PELP1: variants seen among roughly 807,000 people sequenced by gnomAD.
PELP1 encodes proline, glutamate and leucine rich protein 1.
A neutral mutation model predicts 95.5 loss-of-function variants in PELP1; 32 were observed. The observed-to-expected ratio is 0.34, with a 90% CI of 0.25 to 0.45. The LOEUF (loss-of-function observed/expected upper bound fraction) is 0.45. PELP1 is among the 20% of genes least tolerant of loss of function. PELP1 has a pLI of 1.00. For missense variants in PELP1, 1,358 were observed against 1,444.8 expected, an observed-to-expected ratio of 0.94 and a Z score of 0.97; for synonymous variants, 668 against 600.1, an observed-to-expected ratio of 1.11 and a Z score of -1.65.
chr17:4,689,552 C>G (rs1043296411), intron 3 of PELP1, among the ~76,000 whole-genome samples: 2 of 152,154 alleles, frequency 1.3e-5, no homozygotes, highest in African/African-American at 4.8e-5. Context: ...ATACAAATGG[C>G]CAACAAACAT....
chr17:4,695,817 A>C (rs1033792184), intron 1 of PELP1, among the ~76,000 whole-genome samples: 8 of 151,308 alleles, frequency 5.3e-5, no homozygotes, highest in African/African-American at 1.5e-4. Flanking sequence ...AACATCTAAA[A>C]ATCTACTAAA....
chr17:4,683,409 A>T (rs1220885200), intron 3 of PELP1, among the ~76,000 whole-genome samples: 26 of 151,328 alleles, frequency 1.7e-4, no homozygotes, highest in South Asian at 4.2e-4. Context: ...TTTAGTAGAG[A>T]CGGGGTTTCA....
At chr17:4,678,465 T>G (rs1025839905) in intron 5 of PELP1, among the ~76,000 whole-genome samples, 3 of 152,166 alleles carry the variant, frequency 2.0e-5, no homozygotes, top group Non-Finnish European at 2.9e-5. Flanking sequence ...AGCGAGACCC[T>G]ATCTCCAAAA....
At chr17:4,686,323 T>C (rs1194402103) in intron 3 of PELP1, among the ~76,000 whole-genome samples, 1 of 152,170 alleles carries the variant, frequency 6.6e-6, no homozygotes, top group East Asian at 1.9e-4. Flanking sequence ...TGCTAATCTA[T>C]CCTCAGCATC....
At chr17:4,685,200 G>A (rs186427490) in intron 3 of PELP1, among the ~76,000 whole-genome samples, 23 of 152,100 alleles carry the variant, frequency 1.5e-4, no homozygotes, top group South Asian at 4.2e-4. Context: ...CTTACCACCC[G>A]TGCCGCTAAT....
intron 3 of PELP1, among the ~76,000 whole-genome samples, chr17:4,687,649 A>G (rs1466514811): frequency 1.3e-5 from 2 of 152,218 alleles, no homozygotes; most frequent in Non-Finnish European, 2.9e-5. Flanking sequence ...AATAGAAACT[A>G]TATGTGGTTC....
At chr17:4,689,503 T>A (rs1913018329) in intron 3 of PELP1, among the ~76,000 whole-genome samples, 1 of 151,854 alleles carries the variant, frequency 6.6e-6, no homozygotes, top group African/African-American at 2.4e-5. Flanking sequence ...CATCAAAAAG[T>A]GAGCTAAGGA....
intron 3 of PELP1, among the ~76,000 whole-genome samples, chr17:4,687,498 CAA>C (rs61629319): frequency 1.3e-4 from 14 of 107,314 alleles, no homozygotes; most frequent in East Asian, 1.1e-3. Context: ...GACTCCATCT[CAA>C]AAAAAAAAAA....
At chr17:4,695,048 C>T (rs1005780881) in intron 1 of PELP1, among the ~76,000 whole-genome samples, 30 of 151,586 alleles carry the variant, frequency 2.0e-4, no homozygotes, top group African/African-American at 7.0e-4. Flanking sequence ...AAAGGCCAGG[C>T]ACCGTGGCTC....
chr17:4,699,037 T>G (rs920683144), intron 1 of PELP1, among the ~76,000 whole-genome samples: 1 of 152,180 alleles, frequency 6.6e-6, no homozygotes, highest in Non-Finnish European at 1.5e-5. Context: ...CTCAGAATGA[T>G]AGTTTAGGAG....
Position 4,673,032 on chromosome 17 carries a change from AG to A in PELP1, c.1958del (p.Pro653LeufsTer57). On this transcript the variant is annotated frameshift_variant, in exon 16 of 17. Transcript: ENST00000572293. LOFTEE classifies it high-confidence loss of function. The surrounding 1 kb of genome is among the most constrained non-coding windows in gnomAD (Gnocchi z 5.7). ...CCCTGAAGGGCGATGGGGCCTCAGG[AG>A]GGGGAACTGGAGCAGGTGTGGGGCA... ...PTCPTPAPVP[P>X]PEAPSPFRAP... 1 of 1,529,480 alleles carries A rather than the reference AG, an allele frequency of 6.5e-7. No homozygotes were observed. The highest frequency in any genetic ancestry group is 8.8e-7 in the Non-Finnish European group (1 of 1,141,016). 94.7% of individuals were successfully genotyped at this position (1,529,480 alleles called of 1,614,324 possible).
At chr17:4,693,165 G>A (rs1487357896) in intron 1 of PELP1, among the ~76,000 whole-genome samples, 1 of 152,210 alleles carries the variant, frequency 6.6e-6, no homozygotes, top group African/African-American at 2.4e-5. Flanking sequence ...GTGAACACAT[G>A]ACCCAGCCAT....
rs767896830 is a variant in PELP1 at position 4,672,201 on chromosome 17, CTCT to C, written c.2787_2789del (p.Glu930del). ...CTTCTTCCTCAAATTCTTCCTCAAA[CTCT>C]TCTTCCTCCTCTTCTTCCTCTTCAA... On this transcript the variant is annotated inframe_deletion, in exon 16 of 17. Coordinates refer to ENST00000572293, the MANE Select transcript of PELP1 (RefSeq NM_014389.3). The C allele has an allele frequency of 3.3e-5, 52 of 1,552,302 alleles. No individual in the cohort carries two copies. Among genetic ancestry groups the C allele is most frequent in the Middle Eastern group, 1.7e-4 (1 of 5,802 alleles).
chr17:4,676,411 G>A lies in PELP1; in HGVS notation c.799C>T (p.Leu267=). ...TESWEQELHS[L]LASLHTLLGA... ...AGCAGGGTGTGCAGTGAGGCCAGCA[G>A]ACTGTGTAGCTCCTGCTCCCAGCTC... Residue 267 remains leucine (L), a synonymous_variant, in exon 7 of 17, where the codon CTG becomes TTG. Transcript: ENST00000572293. 1.2e-6 allele frequency: 2 copies of A among 1,613,498 alleles called. No individual in the cohort carries two copies. The highest frequency in any genetic ancestry group is 1.7e-6 in the Non-Finnish European group (2 of 1,179,752).
chr17:4,682,618 G>T, intron 4 of PELP1, 45 bp from the exon 5 acceptor site: 1 of 1,526,266 alleles, frequency 6.6e-7, no homozygotes, highest in South Asian at 1.1e-5. Context: ...CGAGCACCAT[G>T]TCACCATATT....
At chr17:4,701,213 TAAAC>T (rs913301752) in intron 1 of PELP1, among the ~76,000 whole-genome samples, 9 of 148,214 alleles carry the variant, frequency 6.1e-5, no homozygotes, top group Non-Finnish European at 1.2e-4. Flanking sequence ...GTGAAATAAA[TAAAC>T]AGACAGTAGG....
At position 4,671,915 on chromosome 17, in the gene PELP1, G is replaced by A; in HGVS notation, c.3076C>T (p.Leu1026=). The A allele has an allele frequency of 6.6e-7, 1 of 1,517,548 alleles. No individual in the cohort carries two copies. Among genetic ancestry groups the A allele is most frequent in the East Asian group, 2.3e-5 (1 of 43,926 alleles). 94.0% of individuals were successfully genotyped at this position (1,517,548 alleles called of 1,614,324 possible). The change falls in exon 16 of 17, where the codon CTG becomes TTG. Residue 1026 remains leucine (L), a synonymous_variant. Coordinates refer to ENST00000572293, the MANE Select transcript of PELP1 (RefSeq NM_014389.3). The stretch of plus-strand genomic sequence containing the variant: ...TGGGAGGGGAGCGCTTCAGGGGCCA[G>A]GGTGGGAGCTGTGTCAGCCCCACGC... ...EERGADTAPT[L]APEALPSQGE... is the part of the protein sequence containing the mutation.
intron 5 of PELP1, among the ~76,000 whole-genome samples, chr17:4,681,490 G>A (rs918055067): frequency 6.7e-6 from 1 of 149,610 alleles, no homozygotes. Flanking sequence ...CAGTCTGGGC[G>A]ACAGAGACTC....
chr17:4,703,840 G>C, intron 1 of PELP1, 23 bp downstream of exon 1: 1 of 1,592,564 alleles, frequency 6.3e-7, no homozygotes, highest in Non-Finnish European at 8.6e-7. Flanking sequence ...ACAGGGCCGC[G>C]GGCACGCGGG....
Sources: allele counts gnomAD v4.1 joint callset (sites outside exome capture counted in the v4.1 genomes callset), GRCh38; gene constraint gnomAD v4.1.1; non-coding constraint Gnocchi (gnomAD v3.1); transcripts MANE v1.5; gene names NCBI Gene and HGNC (gene_info 2026-07-23, HGNC 2026-07-21).